The following TNFAIP6 variants were observed in gnomAD, a reference collection of about 807,000 sequenced individuals.
TNFAIP6 encodes TNF alpha induced protein 6, also known as tumor necrosis factor-inducible gene 6 protein.
TNFAIP6 carries 36 observed loss-of-function variants against 33.7 expected under a neutral mutation model. That is an observed-to-expected ratio of 1.07 (90% confidence interval 0.82 to 1.41). TNFAIP6 has a LOEUF of 1.41. TNFAIP6 is among the 40% of genes most tolerant of loss of function. The pLI is 0.00. For missense variants in TNFAIP6, 273 were observed against 331.9 expected (o/e 0.82, Z 1.38); for synonymous variants, 113 against 112.8 (o/e 1.00, Z -0.01).
intron 1 of TNFAIP6, among the ~76,000 whole-genome samples, chr2:151,362,145 T>G (rs1263308375): frequency 6.6e-6 from 1 of 152,186 alleles, no homozygotes; most frequent in African/African-American, 2.4e-5. Context: ...ATAGAACTAT[T>G]AGAGCTAACT....
chr2:151,366,639 G>A (rs1189798666), intron 3 of TNFAIP6, among the ~76,000 whole-genome samples: 1 of 152,158 alleles, frequency 6.6e-6, no homozygotes, highest in African/African-American at 2.4e-5. Context: ...AAACAATAAA[G>A]TGATGCTACC....
At chr2:151,363,166 A>G (rs1259235737) in intron 1 of TNFAIP6, among the ~76,000 whole-genome samples, 1 of 152,044 alleles carries the variant, frequency 6.6e-6, no homozygotes, top group East Asian at 2.0e-4. Context: ...AAATACAAAA[A>G]TTAGCTGATT....
intron 1 of TNFAIP6, among the ~76,000 whole-genome samples, chr2:151,361,982 C>A (rs1213064841): frequency 6.6e-6 from 1 of 152,176 alleles, no homozygotes; most frequent in Non-Finnish European, 1.5e-5. Flanking sequence ...ATGTCAACTT[C>A]AGTTTGGGGT....
intron 2 of TNFAIP6, among the ~76,000 whole-genome samples, chr2:151,365,478 A>G (rs182049404): frequency 6.6e-6 from 1 of 152,036 alleles, no homozygotes; most frequent in Non-Finnish European, 1.5e-5. Context: ...ATCTCTACTA[A>G]AAATACAAAA....
intron 1 of TNFAIP6, 119 bp downstream of exon 1, chr2:151,357,879 T>C (rs2152010258): frequency 3.3e-6 from 2 of 604,528 alleles, no homozygotes; most frequent in Non-Finnish European, 5.7e-6. Flanking sequence ...TCAAAGAAAA[T>C]GCTTAGGAAA....
At position 151,366,073 on chromosome 2, in the gene TNFAIP6, G is replaced by T; in HGVS notation, c.250G>T (p.Ala84Ser). The T allele has an allele frequency of 1.2e-6, 2 of 1,614,114 alleles. No individual in the cohort carries two copies. The highest frequency in any genetic ancestry group is 4.5e-5 in the East Asian group (2 of 44,876). Residue 84 changes from alanine to serine, a missense_variant, in exon 3 of 6, where the codon GCT becomes TCT. Ala to Ser is a moderately conservative substitution (Grantham distance 99, BLOSUM62 1). Coordinates refer to ENST00000243347, the MANE Select transcript of TNFAIP6 (RefSeq NM_007115.4). ...ARKIGFHVCAAGWMAKGRVGY... is the reference protein window; with the variant it reads ...ARKIGFHVCASGWMAKGRVGY... ...TCTTGCAGGATTTCATGTCTGTGCT[G>T]CTGGATGGATGGCTAAGGGCAGAGT...
chr2:151,376,827 A>G (rs981044433), intron 5 of TNFAIP6, among the ~76,000 whole-genome samples: 3 of 150,802 alleles, frequency 2.0e-5, no homozygotes. Context: ...AAAAAAAAAT[A>G]GATTCCTACA....
intron 2 of TNFAIP6, among the ~76,000 whole-genome samples, chr2:151,364,407 C>T (rs1684678276): frequency 1.3e-5 from 2 of 152,248 alleles, no homozygotes; most frequent in South Asian, 4.1e-4. Context: ...TGTTCTATCT[C>T]TTTGACTTCT....
chr2:151,367,834 G>A (rs1684740901), intron 3 of TNFAIP6, among the ~76,000 whole-genome samples: 1 of 151,154 alleles, frequency 6.6e-6, no homozygotes, highest in South Asian at 2.1e-4. Flanking sequence ...TGGGGGAACA[G>A]CTCACTGAAA....
chr2:151,369,426 A>T (rs1239547126), intron 3 of TNFAIP6, among the ~76,000 whole-genome samples: 3 of 152,052 alleles, frequency 2.0e-5, no homozygotes, highest in Non-Finnish European at 4.4e-5. Flanking sequence ...ATTAGCTGGG[A>T]CTAAGGGTGA....
chr2:151,359,610 A>C (rs147857104), intron 1 of TNFAIP6, among the ~76,000 whole-genome samples: 6,407 of 152,124 alleles, frequency 0.042, 237 homozygotes, highest in Non-Finnish European at 0.057. Context: ...GGGTGGTCTC[A>C]ATCTCCTGAC....
intron 4 of TNFAIP6, among the ~76,000 whole-genome samples, chr2:151,370,490 A>G (rs973760272): frequency 1.9e-4 from 29 of 150,078 alleles, no homozygotes. Context: ...TATTTTATAA[A>G]CACCTCAAGA....
At position 151,366,118 on chromosome 2, in the gene TNFAIP6, C is replaced by T. The variant is rs756279797; in HGVS notation, c.295C>T (p.Pro99Ser). The change falls in exon 3 of 6, where the codon CCA becomes TCA. Residue 99 changes from proline to serine, a missense_variant. Transcript: ENST00000243347. The part of the protein sequence containing the change: ...KGRVGYPIVK[P>S]GPNCGFGKTG... ...CAGAGTTGGATACCCCATTGTGAAG[C>T]CAGGGCCCAACTGTGGATTTGGAAA... The T allele has an allele frequency of 1.2e-6, 2 of 1,614,020 alleles. No individual in the cohort carries two copies. The highest frequency in any genetic ancestry group is 1.6e-4 in the Middle Eastern group (1 of 6,062).
chr2:151,373,845 C>T (rs1416118276), intron 5 of TNFAIP6: 1 of 251,668 alleles, frequency 4.0e-6, no homozygotes, highest in Non-Finnish European at 7.5e-6. Context: ...AGTCTTGAAT[C>T]TGCAAATCCA....
intron 5 of TNFAIP6, among the ~76,000 whole-genome samples, chr2:151,376,627 A>C (rs1389450876): frequency 6.6e-6 from 1 of 152,078 alleles, no homozygotes; most frequent in African/African-American, 2.4e-5. Context: ...TTTCCATGTC[A>C]GAGTATGATA....
At chr2:151,363,658 T>A (rs1036113114) in intron 1 of TNFAIP6, among the ~76,000 whole-genome samples, 2 of 152,038 alleles carry the variant, frequency 1.3e-5, no homozygotes, top group Non-Finnish European at 2.9e-5. Context: ...AGACTCCGTC[T>A]CAAAAAAACA....
intron 5 of TNFAIP6, among the ~76,000 whole-genome samples, chr2:151,374,435 A>T (rs6715069): frequency 0.18 from 27,618 of 152,124 alleles, 2,881 homozygotes; most frequent in African/African-American, 0.29. Context: ...GGCATTTTTA[A>T]GTGCTCTATT....
downstream of TNFAIP6, among the ~76,000 whole-genome samples, chr2:151,381,121 C>A (rs1421419834): frequency 6.6e-6 from 1 of 152,000 alleles, no homozygotes; most frequent in Non-Finnish European, 1.5e-5. Flanking sequence ...ATCTCTGTGA[C>A]CTTCTCCTTC....
At chr2:151,363,806 G>T in intron 1 of TNFAIP6, 137 bp from the exon 2 acceptor site, 1 of 968,670 alleles carries the variant, frequency 1.0e-6, no homozygotes. Flanking sequence ...TGAAAACTTA[G>T]CTACCCAAGG....
Sources: gnomAD v4.1 joint callset for allele counts (sites outside exome capture counted in the v4.1 genomes callset) on GRCh38, gnomAD v4.1.1 for gene constraint, MANE v1.5 for transcripts, NCBI Gene and HGNC (gene_info 2026-07-23, HGNC 2026-07-21) for gene names.